CNGB1: variants seen among roughly 807,000 people sequenced by gnomAD.
CNGB1 encodes the protein cyclic nucleotide gated channel subunit beta 1, also known as cyclic nucleotide-gated channel beta-1.
A neutral mutation model predicts 151.7 loss-of-function variants in CNGB1; 126 were observed. That is an observed-to-expected ratio of 0.83 (90% CI 0.72 to 0.96). CNGB1 has a LOEUF of 0.96. Ranked by LOEUF, CNGB1 falls within the 40% of genes least tolerant of loss-of-function variation. The pLI, the probability that CNGB1 is intolerant of heterozygous loss-of-function variation, is 0.00. For missense variants in CNGB1, 1,698 were observed against 1,627.0 expected (o/e 1.04, Z -0.75); for synonymous variants, 623 against 635.1 (o/e 0.98, Z 0.29).
chr16:57,949,583 C>T (rs1961898726), intron 13 of CNGB1, 144 bp from the exon 14 acceptor site: 3 of 1,313,776 alleles, frequency 2.3e-6, no homozygotes, highest in African/African-American at 1.4e-5. Context: ...TGGGGAGCCC[C>T]ACCCGAGCAA....
chr16:57,885,951 G>A (rs1456492811), intron 32 of CNGB1, among the ~76,000 whole-genome samples: 1 of 152,174 alleles, frequency 6.6e-6, no homozygotes, highest in Non-Finnish European at 1.5e-5. Flanking sequence ...GGTGAGCATC[G>A]TGGAACTTCC....
In CNGB1 at chr16:57,919,073, G is replaced by T. The variant is rs750572308; in HGVS notation, c.1957+26C>A. ...CTCCTGCTCTCTCATCTTACACAGT[G>T]GGAACACCCATTCCCCAGGACTCAC... is the stretch of plus-strand genomic sequence containing the variant. On this transcript the variant is annotated intron_variant, in intron 20 of 32. Coordinates refer to ENST00000251102, the MANE Select transcript of CNGB1 (RefSeq NM_001297.5). 2.5e-6 allele frequency: 4 copies of T among 1,613,976 alleles called. No individual in the cohort carries two copies. In the South Asian group the frequency reaches 4.4e-5, roughly 18 times the overall value.
rs5817126 is a variant in CNGB1, at chr16:57,933,724, C to CTTTTTTT, written c.1373-1853_1373-1847dup. Among the ~76,000 whole-genome samples the CTTTTTTT allele has an allele frequency of 2.5e-5, 3 of 119,588 alleles. No homozygotes were observed. In the East Asian group the frequency reaches 7.8e-4, roughly 31 times the overall value. 78.5% of individuals were successfully genotyped at this position (119,588 alleles called of 152,430 possible). A position where few individuals can be genotyped will look rare whatever the true frequency, so the allele number is the denominator to read the frequency against. On this transcript the variant is annotated intron_variant, in intron 16 of 32. Transcript: ENST00000251102. ...TGTTTCTTTTTCTTTCTTTTCTTTT[C>CTTTTTTT]TTTTTTTTTTTTTTTTGAGATGGAG...
chr16:57,889,333 C>A (rs1183094143), intron 31 of CNGB1, among the ~76,000 whole-genome samples: 2 of 152,156 alleles, frequency 1.3e-5, no homozygotes, highest in African/African-American at 4.8e-5. Flanking sequence ...AGGGAGCAGC[C>A]AGCTGTGTTG....
intron 20 of CNGB1, among the ~76,000 whole-genome samples, 163 bp from the exon 21 acceptor site, chr16:57,917,639 CACACACACACAT>C (rs1960912776): frequency 6.8e-6 from 1 of 148,132 alleles, no homozygotes; most frequent in South Asian, 2.1e-4. Flanking sequence ...CACACACACA[CACACACACACAT>C]ACACACACAC....
At chr16:57,916,068 C>G in intron 22 of CNGB1, 61 bp downstream of exon 22, 1 of 1,529,858 alleles carries the variant, frequency 6.5e-7, no homozygotes, top group Non-Finnish European at 9.1e-7. Flanking sequence ...CACCCAGGGC[C>G]CTCTGAGGCA....
intron 25 of CNGB1, among the ~76,000 whole-genome samples, chr16:57,905,200 G>A (rs1388710202): frequency 7.2e-5 from 11 of 152,154 alleles, no homozygotes; most frequent in African/African-American, 1.2e-4. Context: ...CCTAATGACC[G>A]CACTCCCTCA....
intron 14 of CNGB1, chr16:57,946,384 T>G (rs1961810283): frequency 1.3e-5 from 2 of 152,536 alleles, no homozygotes; most frequent in Admixed American, 1.3e-4. Context: ...AGCCACCTAC[T>G]TGGATCTCTC....
At chr16:57,893,552 C>T (rs1315580791) in intron 31 of CNGB1, among the ~76,000 whole-genome samples, 2 of 152,076 alleles carry the variant, frequency 1.3e-5, no homozygotes, top group Non-Finnish European at 1.5e-5. Flanking sequence ...AATCCCAGCA[C>T]TTTGGGAGGC....
chr16:57,959,094 T>A (rs1164472134), intron 10 of CNGB1, among the ~76,000 whole-genome samples: 1 of 152,050 alleles, frequency 6.6e-6, no homozygotes, highest in African/African-American at 2.4e-5. Flanking sequence ...GCCCAGGAAC[T>A]CCATTTCCAC....
chr16:57,903,258 G>A (rs182276444), intron 27 of CNGB1, among the ~76,000 whole-genome samples: 22 of 148,448 alleles, frequency 1.5e-4, no homozygotes, highest in Non-Finnish European at 2.5e-4. Context: ...TTGGGAGCCC[G>A]AGGCTGGCTA....
At chr16:57,904,139 G>A (rs1960470370) in intron 26 of CNGB1, among the ~76,000 whole-genome samples, 158 bp from the exon 27 acceptor site, 1 of 152,118 alleles carries the variant, frequency 6.6e-6, no homozygotes, top group African/African-American at 2.4e-5. Flanking sequence ...CACAGAGAAA[G>A]TTTTACTGAC....
chr16:57,887,986 C>T lies in CNGB1; in HGVS notation c.3331G>A (p.Ala1111Thr), dbSNP rs199660047. 81 of 1,614,150 alleles carry T rather than the reference C, an allele frequency of 5.0e-5. No homozygotes were observed. The African/African-American group carries it at 6.5e-4, about 13-fold the overall frequency. The change falls in exon 32 of 33, where the codon GCT (alanine) becomes ACT (threonine). Residue 1111 changes from alanine to threonine, a missense_variant. By Grantham distance (58) the Ala-to-Thr change is moderately conservative. Coordinates refer to ENST00000251102, the MANE Select transcript of CNGB1 (RefSeq NM_001297.5). ...ATCTTTCCTGTCATAGCGAGGGCAG[C>T]GTTGAAGAGCTTTGGGGTGCCCGCC... is the stretch of plus-strand genomic sequence containing the variant. ...PRAGTPKLFN[A>T]ALAMTGKMGG... is the part of the protein sequence containing the mutation.
At chr16:57,941,269 C>G (rs946629604) in intron 14 of CNGB1, among the ~76,000 whole-genome samples, 16 of 152,146 alleles carry the variant, frequency 1.1e-4, no homozygotes, top group African/African-American at 3.9e-4. Flanking sequence ...CCTAACACCC[C>G]CTCCCCACCC....
intron 27 of CNGB1, among the ~76,000 whole-genome samples, chr16:57,902,626 A>G (rs1197683984): frequency 5.4e-5 from 8 of 149,094 alleles, no homozygotes; most frequent in African/African-American, 2.0e-4. Context: ...CTTTTCTGAG[A>G]CAGGGTCTTG....
chr16:57,933,462 C>T (rs575768010), intron 16 of CNGB1, among the ~76,000 whole-genome samples: 15 of 152,276 alleles, frequency 9.9e-5, no homozygotes, highest in East Asian at 1.9e-4. Context: ...GGAGCCTGGA[C>T]GTGGCCCTAC....
At chr16:57,963,947 G>A in intron 4 of CNGB1, 183 bp downstream of exon 4, 1 of 599,400 alleles carries the variant, frequency 1.7e-6, no homozygotes, top group African/African-American at 1.9e-5. Flanking sequence ...GCTTACTTAG[G>A]GAGAGCCCGC....
intron 17 of CNGB1, among the ~76,000 whole-genome samples, chr16:57,929,545 G>C (rs1054604033): frequency 1.3e-5 from 2 of 151,960 alleles, no homozygotes; most frequent in African/African-American, 4.8e-5. Context: ...CAGTACCACA[G>C]GCTTAACAGG....
chr16:57,897,951 C>T, intron 29 of CNGB1, 37 bp from the exon 30 acceptor site: 1 of 1,604,014 alleles, frequency 6.2e-7, no homozygotes, highest in Non-Finnish European at 8.5e-7. Context: ...CTGTTCATCC[C>T]CCAAAGTCAC....
Sources: allele counts gnomAD v4.1 joint callset (sites outside exome capture counted in the v4.1 genomes callset), GRCh38; gene constraint gnomAD v4.1.1; transcripts MANE v1.5; gene names NCBI Gene and HGNC (gene_info 2026-07-23, HGNC 2026-07-21).